Variants in PEAK1 observed in about 807,000 individuals in gnomAD.
PEAK1 encodes pseudopodium enriched atypical kinase 1.
Under a neutral mutation model 124.7 loss-of-function variants are expected in PEAK1, and 54 were observed. The ratio of observed to expected loss-of-function variants is 0.43; its 90% CI spans 0.35 to 0.54. The LOEUF (loss-of-function observed/expected upper bound fraction) is 0.54, where lower values mean the gene tolerates loss of function less well. PEAK1 is among the 20% of genes least tolerant of loss of function. PEAK1 has a pLI of 0.01. For synonymous variants in PEAK1, 719 were observed against 760.0 expected (o/e 0.95, Z 0.89); for missense variants, 2,046 against 2,134.5 (o/e 0.96, Z 0.82).
In PEAK1 at chr15:77,194,350, C is replaced by G. The variant is rs555412045; in HGVS notation, c.-114-12310G>C. 5.9e-5 allele frequency among the ~76,000 whole-genome samples: 9 copies of G among 152,242 alleles called. No homozygotes were observed. In the South Asian group the frequency reaches 1.9e-3, roughly 32 times the overall value. ...TTAACTACTTTAACTCTTCATAAAG[C>G]CATTAATTGTTCTCAGTTGCATATA... On this transcript the variant is annotated intron_variant, in intron 6 of 9. Coordinates refer to ENST00000682557, the MANE Select transcript of PEAK1 (RefSeq NM_001385026.1).
chr15:77,191,052 G>A (rs909524360), intron 6 of PEAK1, among the ~76,000 whole-genome samples: 2 of 151,964 alleles, frequency 1.3e-5, no homozygotes, highest in African/African-American at 2.4e-5. Flanking sequence ...AATAATGTAC[G>A]TCAACACTGA....
chr15:77,215,212 T>C (rs1255832944), intron 6 of PEAK1, among the ~76,000 whole-genome samples: 5 of 152,246 alleles, frequency 3.3e-5, no homozygotes, highest in Admixed American at 1.3e-4. Flanking sequence ...GTGAAGTTCA[T>C]GTTCAAATCA....
intron 1 of PEAK1, among the ~76,000 whole-genome samples, chr15:77,386,152 A>C (rs1056085528): frequency 6.6e-6 from 1 of 152,244 alleles, no homozygotes; most frequent in Non-Finnish European, 1.5e-5. Context: ...CTCAGCATTT[A>C]TTCCTCAGAA....
intron 6 of PEAK1, among the ~76,000 whole-genome samples, chr15:77,196,521 A>G (rs1195704988): frequency 2.0e-5 from 3 of 152,180 alleles, no homozygotes; most frequent in Non-Finnish European, 4.4e-5. Context: ...CTGGTTTCTT[A>G]TTTGTTGAAG....
At chr15:77,345,638 A>T (rs2066827556) in intron 2 of PEAK1, among the ~76,000 whole-genome samples, 1 of 152,236 alleles carries the variant, frequency 6.6e-6, no homozygotes, top group Non-Finnish European at 1.5e-5. Context: ...ACAACCCAGA[A>T]TTGGTATACT....
At chr15:77,336,487 A>G in intron 2 of PEAK1, 1 of 985,376 alleles carries the variant, frequency 1.0e-6, no homozygotes. Flanking sequence ...TTTGCTAATC[A>G]TGTCTATAAA....
At chr15:77,215,820 C>T (rs994108582) in intron 6 of PEAK1, among the ~76,000 whole-genome samples, 19 of 152,096 alleles carry the variant, frequency 1.2e-4, no homozygotes, top group Non-Finnish European at 8.8e-5. Context: ...TTGCCTAACA[C>T]GTGTAACAAA....
intron 5 of PEAK1, chr15:77,278,673 C>A (rs2062472204): frequency 3.8e-6 from 2 of 521,992 alleles, no homozygotes; most frequent in Admixed American, 2.0e-5. Context: ...AATAAGCCTG[C>A]AGAAAATGGA....
Position 77,109,630 on chromosome 15 carries a change from T to G in PEAK1, c.*4526A>C, listed in dbSNP as rs1398928012. The G allele has an allele frequency of 6.6e-6, 1 of 152,226 alleles. No homozygotes were observed. Among genetic ancestry groups the G allele is most frequent in the Non-Finnish European group, 1.5e-5 (1 of 68,042 alleles). The allele number at this position is 152,226 out of a possible 1,614,324, so 9.4% of individuals were successfully genotyped here. On this transcript the variant is annotated 3_prime_UTR_variant, in exon 10 of 10. Coordinates refer to ENST00000682557, the MANE Select transcript of PEAK1 (RefSeq NM_001385026.1). Reference sequence around the variant, plus strand: ...GGACAGCTGGACTTCAGTGCGCACTTCAGCAAGAGCAGCACTTGGATTTGT... The same window carrying G: ...GGACAGCTGGACTTCAGTGCGCACTGCAGCAAGAGCAGCACTTGGATTTGT...
chr15:77,336,329 C>T (rs2066196753), intron 2 of PEAK1: 7 of 985,070 alleles, frequency 7.1e-6, no homozygotes, highest in Non-Finnish European at 8.4e-6. Context: ...CGAGGGCTCA[C>T]CCTCATATTC....
intron 2 of PEAK1, chr15:77,337,466 C>T: frequency 1.0e-6 from 1 of 981,324 alleles, no homozygotes; most frequent in South Asian, 4.7e-5. Context: ...TCTGTAACAT[C>T]ATCCAGAGAT....
At chr15:77,349,818 C>T in intron 2 of PEAK1, 1 of 985,202 alleles carries the variant, frequency 1.0e-6, no homozygotes, top group Non-Finnish European at 1.2e-6. Context: ...GAGGGGACAG[C>T]CAGGCTGGAA....
chr15:77,241,171 G>A (rs2060340526), intron 6 of PEAK1, among the ~76,000 whole-genome samples: 5 of 152,052 alleles, frequency 3.3e-5, no homozygotes, highest in Admixed American at 2.6e-4. Flanking sequence ...TATACAGAAA[G>A]TCCAAAATTT....
Position 77,182,046 on chromosome 15 carries a change from G to A in PEAK1, c.-114-6C>T. The A allele has an allele frequency of 1.4e-6, 2 of 1,404,136 alleles. No homozygotes were observed. Among genetic ancestry groups the A allele is most frequent in the Non-Finnish European group, 1.8e-6 (2 of 1,084,074 alleles). 87.0% of individuals were successfully genotyped at this position (1,404,136 alleles called of 1,614,324 possible). On this transcript the variant is annotated splice_region_variant and splice_polypyrimidine_tract_variant and intron_variant, in intron 6 of 9. Transcript: ENST00000682557. ...CTCTTCTAAGAATGATCAATCTGTG[G>A]AGGGGAAAAGAAGACAAAAAATCTG...
intron 5 of PEAK1, among the ~76,000 whole-genome samples, chr15:77,267,741 G>A (rs1311268937): frequency 1.3e-5 from 2 of 152,124 alleles, no homozygotes; most frequent in African/African-American, 2.4e-5. Flanking sequence ...TCTTCCCTTT[G>A]ATATAGTATA....
At position 77,349,612 on chromosome 15, in the gene PEAK1, A is replaced by T. The variant is rs16968792; in HGVS notation, c.-603+15551T>A. On this transcript the variant is annotated intron_variant, in intron 2 of 9. Coordinates refer to ENST00000682557, the MANE Select transcript of PEAK1 (RefSeq NM_001385026.1). ...AATATATGCTTGAGTATGATACTGA[A>T]TCCATGTTTCTATCATTAATGACTC... 4,202 of 984,874 alleles carry T rather than the reference A, an allele frequency of 4.3e-3. 139 individuals are homozygous for T. The African/African-American group carries it at 0.066, about 15-fold the overall frequency. 61.0% of individuals were successfully genotyped at this position (984,874 alleles called of 1,614,324 possible).
chr15:77,302,761 T>C (rs965206094), intron 2 of PEAK1, among the ~76,000 whole-genome samples: 1 of 152,168 alleles, frequency 6.6e-6, no homozygotes, highest in Non-Finnish European at 1.5e-5. Flanking sequence ...CTGGAAACTC[T>C]GACCTCCTAA....
At chr15:77,363,077 A>C (rs894942086) in intron 2 of PEAK1, among the ~76,000 whole-genome samples, 25 of 152,174 alleles carry the variant, frequency 1.6e-4, no homozygotes, top group African/African-American at 4.8e-4. Flanking sequence ...GCTGGTCTCG[A>C]ACTCCTTACC....
In PEAK1 at chr15:77,114,522, C is replaced by T. The variant is rs1448019549; in HGVS notation, c.4875G>A (p.Leu1625=). The T allele has an allele frequency of 7.4e-6, 12 of 1,613,928 alleles. No individual in the cohort carries two copies. Among genetic ancestry groups the T allele is most frequent in the Non-Finnish European group, 8.5e-6 (10 of 1,180,002 alleles). ...LKEREYTRAD[L]PRIPFRSPYS... is the part of the protein sequence containing the mutation. ...AGGGGGAGCGGAATGGGATGCGAGG[C>T]AGGTCTGCTCGTGTGTATTCCCTCT... The change falls in exon 10 of 10, where the codon CTG becomes CTA. Residue 1625 remains leucine (L), a synonymous_variant. Transcript: ENST00000682557.
Sources: allele counts gnomAD v4.1 joint callset (sites outside exome capture counted in the v4.1 genomes callset), GRCh38; gene constraint gnomAD v4.1.1; transcripts MANE v1.5; gene names NCBI Gene and HGNC (gene_info 2026-07-23, HGNC 2026-07-21).